The following TRIM5 variants were observed in gnomAD, a reference collection of about 807,000 sequenced individuals.
The protein encoded by TRIM5 is tripartite motif containing 5, also known as tripartite motif-containing protein 5.
In TRIM5, 31 loss-of-function variants were observed where a neutral mutation model predicts 35.6. The observed-to-expected ratio is 0.87, with a 90% CI of 0.65 to 1.18. TRIM5 has a LOEUF of 1.18. TRIM5 is among the 50% of genes most tolerant of loss of function. The pLI is 0.00. For missense variants in TRIM5, 609 were observed against 591.6 expected (o/e 1.03, Z -0.31); for synonymous variants, 243 against 215.6 (o/e 1.13, Z -1.11).
At chr11:5,642,573 G>C in the TRIM5 span, 1 of 1,560,094 alleles carries the variant, frequency 6.4e-7, no homozygotes, top group Non-Finnish European at 8.7e-7. Context: ...AACTGTCTAG[G>C]TGGGATAACT....
chr11:5,635,370 C>CT, the TRIM5 span, among the ~76,000 whole-genome samples: 441 of 151,836 alleles, frequency 2.9e-3, 1 homozygote, highest in Middle Eastern at 0.01. Context: ...ATTCTCCTGC[C>CT]CAGCATCCCG....
At chr11:5,592,685 A>G in the TRIM5 span, among the ~76,000 whole-genome samples, 2 of 151,994 alleles carry the variant, frequency 1.3e-5, no homozygotes, top group East Asian at 3.9e-4. Flanking sequence ...GGGAGACTGA[A>G]GTGGGTGGAT....
the TRIM5 span, chr11:5,611,265 T>C: frequency 1.2e-6 from 2 of 1,613,978 alleles, no homozygotes; most frequent in Non-Finnish European, 1.7e-6. Flanking sequence ...TAAATATTAC[T>C]TTCCCACTAC....
rs376603173 is a variant in TRIM5 at position 5,671,004 on chromosome 11, G to A, written c.745-3293C>T. On this transcript the variant is annotated intron_variant, in intron 4 of 7. Coordinates refer to ENST00000380034, the MANE Select transcript of TRIM5 (RefSeq NM_033034.3). ...CATTCCTGTAATCCCAGGACTTTGGGAGGCTGAGGCAAGTGGATTGAGACC... is the reference window on the plus strand; with the variant it reads ...CATTCCTGTAATCCCAGGACTTTGGAAGGCTGAGGCAAGTGGATTGAGACC... Among the ~76,000 whole-genome samples the A allele has an allele frequency of 6.6e-5, 10 of 152,174 alleles. No homozygotes were observed. In the South Asian group the frequency reaches 1.2e-3, roughly 19 times the overall value.
At chr11:5,644,546 C>T in the TRIM5 span, 1 of 322,660 alleles carries the variant, frequency 3.1e-6, no homozygotes, top group East Asian at 4.8e-5. Flanking sequence ...ACTTTTTATA[C>T]TGAGAGTGGG....
At chr11:5,635,246 C>T in the TRIM5 span, among the ~76,000 whole-genome samples, 8 of 144,620 alleles carry the variant, frequency 5.5e-5, no homozygotes, top group African/African-American at 2.0e-4. Flanking sequence ...TGCAAATGTT[C>T]CCTGTTAATT....
the TRIM5 span, chr11:5,605,206 A>G: frequency 8.2e-7 from 1 of 1,213,518 alleles, no homozygotes; most frequent in Non-Finnish European, 1.2e-6. Flanking sequence ...TTTCTCCTGC[A>G]GCATTTACCC....
chr11:5,675,385 C>T (rs535500990), intron 4 of TRIM5, among the ~76,000 whole-genome samples: 6 of 152,166 alleles, frequency 3.9e-5, no homozygotes, highest in East Asian at 1.9e-4. Context: ...AAACACTGAA[C>T]GTAGAGCCTG....
intron 4 of TRIM5, among the ~76,000 whole-genome samples, chr11:5,672,304 C>T (rs1313410750): frequency 6.6e-6 from 1 of 152,098 alleles, no homozygotes; most frequent in Non-Finnish European, 1.5e-5. Context: ...CTCTGCCTCC[C>T]AGGTTCAAGC....
chr11:5,592,925 AAAAAAGAAAAAAG>A, the TRIM5 span, among the ~76,000 whole-genome samples: 3,624 of 140,932 alleles, frequency 0.026, 141 homozygotes, highest in African/African-American at 0.086. Context: ...AAAAAAAAAA[AAAAAAGAAAAAAG>A]AAAAAGAAAA....
At chr11:5,616,657 A>G in the TRIM5 span, among the ~76,000 whole-genome samples, 1 of 144,928 alleles carries the variant, frequency 6.9e-6, no homozygotes, top group African/African-American at 2.5e-5. Flanking sequence ...TAGGGTTCCA[A>G]GATTTGAAAC....
chr11:5,666,174 C>T, intron 5 of TRIM5, 93 bp from the exon 6 acceptor site: 1 of 1,034,730 alleles, frequency 9.7e-7, no homozygotes, highest in South Asian at 1.4e-5. Flanking sequence ...CCCATTGAGG[C>T]ACTTGAACTC....
chr11:5,615,512 T>A, the TRIM5 span, among the ~76,000 whole-genome samples: 1 of 152,306 alleles, frequency 6.6e-6, no homozygotes, highest in Admixed American at 6.5e-5. Flanking sequence ...TCTCTACTAA[T>A]ATCTTTTTCT....
At chr11:5,643,888 CTT>C in the TRIM5 span, 2 of 817,638 alleles carry the variant, frequency 2.4e-6, no homozygotes, top group Non-Finnish European at 3.6e-6. Context: ...TTCATTTACT[CTT>C]TTTCATATTT....
chr11:5,662,909 G>A (rs1026556242), downstream of TRIM5, among the ~76,000 whole-genome samples: 8 of 152,088 alleles, frequency 5.3e-5, no homozygotes, highest in Admixed American at 5.2e-4. Context: ...TGGGCAGATC[G>A]CCTGAGCCCA....
chr11:5,640,503 A>G, the TRIM5 span, among the ~76,000 whole-genome samples: 2 of 152,072 alleles, frequency 1.3e-5, no homozygotes, highest in East Asian at 1.9e-4. Flanking sequence ...GCCATCAGGT[A>G]TAATCTTTTT....
the TRIM5 span, chr11:5,596,137 C>CGGCTG: frequency 1.3e-5 from 2 of 152,232 alleles, no homozygotes; most frequent in African/African-American, 4.8e-5. Flanking sequence ...GTGGAGGACG[C>CGGCTG]GGCTGCTTCA....
At chr11:5,678,990 T>C (rs986627628) in intron 3 of TRIM5, 84 bp downstream of exon 3, 1 of 1,115,034 alleles carries the variant, frequency 9.0e-7, no homozygotes, top group Non-Finnish European at 1.4e-6. Context: ...TTATCAAATG[T>C]CAGGGAATAA....
intron 4 of TRIM5, among the ~76,000 whole-genome samples, chr11:5,676,199 TC>T (rs1372865469): frequency 1.3e-5 from 2 of 151,910 alleles, no homozygotes; most frequent in Non-Finnish European, 2.9e-5. Flanking sequence ...TGATTTATAG[TC>T]CTTTGGGTAT....
Sources: gnomAD v4.1 joint callset for allele counts (sites outside exome capture counted in the v4.1 genomes callset) on GRCh38, gnomAD v4.1.1 for gene constraint, MANE v1.5 for transcripts, NCBI Gene and HGNC (gene_info 2026-07-23, HGNC 2026-07-21) for gene names.